Variants in TACC2 observed in about 807,000 individuals in gnomAD.
TACC2 encodes transforming acidic coiled-coil containing protein 2, also known as transforming acidic coiled-coil-containing protein 2.
A neutral mutation model predicts 227.3 loss-of-function variants in TACC2; 137 were observed. That is an observed-to-expected ratio of 0.60 (90% CI 0.52 to 0.69). TACC2 has a LOEUF of 0.69. Ranked by LOEUF, TACC2 falls within the 30% of genes least tolerant of loss-of-function variation. The probability of loss-of-function intolerance (pLI) is 0.00; values close to 1 mark genes in which losing one functional copy is unlikely to be tolerated. For synonymous variants in TACC2, 1,523 were observed against 1,487.5 expected (o/e 1.02, Z -0.55); for missense variants, 3,470 against 3,694.4 (o/e 0.94, Z 1.57).
At chr10:122,088,711 C>A in intron 5 of TACC2, 120 bp downstream of exon 5, 1 of 1,545,568 alleles carries the variant, frequency 6.5e-7, no homozygotes, top group Non-Finnish European at 8.7e-7. Flanking sequence ...AAGAAAGAAG[C>A]AAATGGCCAT....
intron 12 of TACC2, among the ~76,000 whole-genome samples, chr10:122,226,156 T>A (rs959580107): frequency 1.7e-4 from 26 of 152,336 alleles, no homozygotes; most frequent in African/African-American, 5.8e-4. Flanking sequence ...AACTCAGTTG[T>A]ACTTTCTCTG....
chr10:122,220,753 G>A (rs2095507370), intron 11 of TACC2, among the ~76,000 whole-genome samples: 1 of 152,198 alleles, frequency 6.6e-6, no homozygotes. Flanking sequence ...ATAAGCTAGG[G>A]CCTGTCATTG....
chr10:122,029,766 A>T (rs1764579970), intron 2 of TACC2, among the ~76,000 whole-genome samples: 1 of 152,124 alleles, frequency 6.6e-6, no homozygotes, highest in Non-Finnish European at 1.5e-5. Flanking sequence ...AGTATGGGCC[A>T]CTAGGCATAT....
At chr10:122,012,881 A>G (rs1956123248) in intron 1 of TACC2, among the ~76,000 whole-genome samples, 1 of 152,254 alleles carries the variant, frequency 6.6e-6, no homozygotes, top group African/African-American at 2.4e-5. Context: ...GAGGGAGGGA[A>G]CTGCTACTGC....
At chr10:122,237,251 A>G (rs2095874431) in intron 16 of TACC2, 144 bp from the exon 17 acceptor site, 3 of 784,692 alleles carry the variant, frequency 3.8e-6, no homozygotes, top group Non-Finnish European at 5.8e-6. Context: ...TTCCCTGTTC[A>G]TCAGTCTTTG....
intron 7 of TACC2, among the ~76,000 whole-genome samples, chr10:122,186,245 A>G (rs1214724019): frequency 6.6e-6 from 1 of 152,058 alleles, no homozygotes; most frequent in Non-Finnish European, 1.5e-5. Flanking sequence ...CTCAGTTTCT[A>G]TTATATTTTT....
rs1462128166 is a variant in TACC2, at chr10:122,076,077, G to A, written c.147-6570G>A. Among the ~76,000 whole-genome samples the A allele has an allele frequency of 2.0e-5, 3 of 152,324 alleles. No homozygotes were observed. The East Asian group carries it at 5.8e-4, about 29-fold the overall frequency. On this transcript the variant is annotated intron_variant, in intron 3 of 22. Transcript: ENST00000369005. Reference sequence around the variant, plus strand: ...GGCCTCCCAAAGTGGTGGGATTACAGGCGTGAGCCACTGCACCTAGCATTG... The same window carrying A: ...GGCCTCCCAAAGTGGTGGGATTACAAGCGTGAGCCACTGCACCTAGCATTG...
intron 7 of TACC2, among the ~76,000 whole-genome samples, chr10:122,190,885 A>G (rs1249717266): frequency 1.3e-5 from 2 of 152,304 alleles, no homozygotes; most frequent in South Asian, 2.1e-4. Context: ...GTAAATTGCT[A>G]TTACATTACA....
intron 7 of TACC2, among the ~76,000 whole-genome samples, chr10:122,162,166 A>G (rs999552068): frequency 2.0e-5 from 3 of 152,208 alleles, no homozygotes; most frequent in Non-Finnish European, 4.4e-5. Context: ...TCATGCTGTT[A>G]CATCCCAGAA....
chr10:122,173,387 G>A (rs1462416320), intron 7 of TACC2, among the ~76,000 whole-genome samples: 1 of 152,232 alleles, frequency 6.6e-6, no homozygotes, highest in African/African-American at 2.4e-5. Flanking sequence ...TGAAAAGAGA[G>A]CGGGGCTCCA....
At chr10:121,994,241 C>A (rs752048991) in intron 1 of TACC2, among the ~76,000 whole-genome samples, 1 of 152,248 alleles carries the variant, frequency 6.6e-6, no homozygotes, top group Non-Finnish European at 1.5e-5. Flanking sequence ...TGGTGATGAC[C>A]TGTCCCTATT....
chr10:122,112,328 G>C (rs1256863142), intron 5 of TACC2, among the ~76,000 whole-genome samples: 1 of 152,198 alleles, frequency 6.6e-6, no homozygotes. Context: ...GCCCTTAAAG[G>C]AAAACAGACC....
At chr10:122,244,139 T>C (rs1204463196) in intron 19 of TACC2, among the ~76,000 whole-genome samples, 1 of 152,184 alleles carries the variant, frequency 6.6e-6, no homozygotes, top group East Asian at 1.9e-4. Context: ...CCTCTCATCC[T>C]GGTGCCAGGG....
chr10:122,225,221 CATA>C (rs1447916525), intron 12 of TACC2, among the ~76,000 whole-genome samples: 3 of 152,240 alleles, frequency 2.0e-5, no homozygotes, highest in Non-Finnish European at 4.4e-5. Context: ...TCTTTCCTGG[CATA>C]ATACCTGCTG....
intron 2 of TACC2, among the ~76,000 whole-genome samples, chr10:122,029,881 C>A (rs1202759960): frequency 7.4e-6 from 1 of 135,412 alleles, no homozygotes. Flanking sequence ...GCAGGCCCCA[C>A]TACTGGCTGC....
Position 122,210,712 on chromosome 10 carries a change from G to A in TACC2, c.6287G>A (p.Gly2096Asp). 6.2e-7 allele frequency: 1 copy of A among 1,614,062 alleles called. No individual in the cohort carries two copies. The highest frequency in any genetic ancestry group is 8.5e-7 in the Non-Finnish European group (1 of 1,180,024). ...SLSLQASDFD[G>D]ASSSGNPEAV... Reference sequence around the variant, plus strand: ...AGCCTGCAAGCCAGTGACTTTGATGGTGCTTCTTCCTCAGGCAATCCCGAG... The same window carrying A: ...AGCCTGCAAGCCAGTGACTTTGATGATGCTTCTTCCTCAGGCAATCCCGAG... Residue 2096 changes from glycine (G) to aspartate (D), a missense_variant, in exon 9 of 23, where the codon GGT becomes GAT. By Grantham distance (94) the Gly-to-Asp change is moderately conservative. Around this residue, in one of 10 missense-constraint regions of TACC2, gnomAD observed 593 missense variants for 636.6 expected, o/e 0.93. Coordinates refer to ENST00000369005, the MANE Select transcript of TACC2 (RefSeq NM_206862.4). The surrounding 1 kb of genome is among the most constrained non-coding windows in gnomAD (Gnocchi z 4.6).
intron 5 of TACC2, among the ~76,000 whole-genome samples, chr10:122,116,971 A>G (rs2084815321): frequency 6.6e-6 from 1 of 151,876 alleles, no homozygotes; most frequent in Non-Finnish European, 1.5e-5. Flanking sequence ...ACACCTGGCA[A>G]ACAGAAGTGC....
intron 2 of TACC2, among the ~76,000 whole-genome samples, chr10:122,028,970 TCCCTCCCCTCCCCTC>T (rs1284919953): frequency 1.6e-3 from 3 of 1,898 alleles, no homozygotes; most frequent in African/African-American, 5.4e-3. Flanking sequence ...TCCCTTCCCT[TCCCTCCCCTCCCCTC>T]CCCTCCCCTC....
intron 7 of TACC2, among the ~76,000 whole-genome samples, chr10:122,184,715 A>G (rs1483655510): frequency 2.0e-5 from 3 of 152,236 alleles, no homozygotes; most frequent in African/African-American, 7.2e-5. Flanking sequence ...ACGTGAATAT[A>G]CATATGTATT....
Sources: gnomAD v4.1 joint callset for allele counts (sites outside exome capture counted in the v4.1 genomes callset) on GRCh38, gnomAD v4.1.1 for gene constraint, gnomAD v4.1.1 regional missense constraint, Gnocchi (gnomAD v3.1) non-coding constraint, MANE v1.5 for transcripts, NCBI Gene and HGNC (gene_info 2026-07-23, HGNC 2026-07-21) for gene names.